The following PAQR5 variants were observed in gnomAD, a reference collection of about 807,000 sequenced individuals.
PAQR5 encodes membrane progestin receptor gamma.
PAQR5 carries 20 observed loss-of-function variants against 34.5 expected under a neutral mutation model. The observed-to-expected ratio is 0.58, with a 90% CI of 0.41 to 0.84. The LOEUF is 0.84. Among genes scored for constraint, PAQR5 ranks in the 40% least tolerant of loss-of-function variants. The pLI, the probability that PAQR5 is intolerant of heterozygous loss-of-function variation, is 0.00. For synonymous variants in PAQR5, 131 were observed against 155.6 expected (o/e 0.84, Z 1.18); for missense variants, 378 against 412.7 (o/e 0.92, Z 0.73).
chr15:69,380,040 C>CG (rs1567030939), intron 4 of PAQR5, 30 bp downstream of exon 4: 4 of 1,611,862 alleles, frequency 2.5e-6, no homozygotes, highest in Non-Finnish European at 3.4e-6. Flanking sequence ...ACCGGCCTGT[C>CG]TCCTTCAGGA....
intron 1 of PAQR5, among the ~76,000 whole-genome samples, chr15:69,316,584 T>G (rs2053956673): frequency 1.3e-5 from 2 of 152,148 alleles, no homozygotes; most frequent in Non-Finnish European, 2.9e-5. Context: ...GAGAAATACA[T>G]TTTCCGTTTT....
intron 6 of PAQR5, 70 bp downstream of exon 6, chr15:69,389,850 G>A: frequency 6.4e-7 from 1 of 1,558,184 alleles, no homozygotes; most frequent in Non-Finnish European, 8.8e-7. Flanking sequence ...CACTCTTTGA[G>A]GGAGCCGGGG....
intron 8 of PAQR5, chr15:69,401,015 A>G (rs1230318520): frequency 6.6e-6 from 1 of 152,230 alleles, no homozygotes; most frequent in Non-Finnish European, 1.5e-5. Context: ...AGCTCACTTA[A>G]GTTTGAAGTG....
At chr15:69,366,811 A>G (rs977913916) in intron 3 of PAQR5, among the ~76,000 whole-genome samples, 5 of 152,112 alleles carry the variant, frequency 3.3e-5, no homozygotes, top group African/African-American at 1.2e-4. Flanking sequence ...AAATTTGTAA[A>G]TTACTTCTTG....
chr15:69,355,409 TTTTTTC>T (rs1240521164), intron 2 of PAQR5, among the ~76,000 whole-genome samples: 1 of 149,144 alleles, frequency 6.7e-6, no homozygotes, highest in East Asian at 2.0e-4. Flanking sequence ...CTTCTTTCTT[TTTTTTC>T]TTTTTCTTTT....
chr15:69,347,627 T>C (rs2054809188), intron 2 of PAQR5, among the ~76,000 whole-genome samples: 1 of 152,180 alleles, frequency 6.6e-6, no homozygotes, highest in African/African-American at 2.4e-5. Flanking sequence ...CTGGGTGTCT[T>C]AGTCTGTTTG....
intron 2 of PAQR5, among the ~76,000 whole-genome samples, chr15:69,352,983 A>G (rs1213873332): frequency 1.3e-5 from 2 of 152,222 alleles, no homozygotes; most frequent in South Asian, 4.1e-4. Flanking sequence ...AAGTGGATAG[A>G]ATGACCTGTT....
intron 1 of PAQR5, among the ~76,000 whole-genome samples, chr15:69,299,567 C>G (rs1218603279): frequency 6.6e-6 from 1 of 152,214 alleles, no homozygotes; most frequent in Non-Finnish European, 1.5e-5. Context: ...GTCGTCCCGG[C>G]CCTGTTGAAG....
intron 1 of PAQR5, among the ~76,000 whole-genome samples, chr15:69,317,555 C>A (rs2053983138): frequency 6.6e-6 from 1 of 152,170 alleles, no homozygotes; most frequent in African/African-American, 2.4e-5. Context: ...GTGAGGTGTG[C>A]TCTTTGGGTA....
chr15:69,300,957 T>C lies in PAQR5; in HGVS notation c.-277+1901T>C, dbSNP rs1181162592. Among the ~76,000 whole-genome samples the C allele has an allele frequency of 5.6e-4, 27 of 48,190 alleles. 1 individual carries two copies. Among genetic ancestry groups the C allele is most frequent in the African/African-American group, 2.0e-3 (24 of 12,096 alleles). 31.6% of individuals were successfully genotyped at this position (48,190 alleles called of 152,430 possible). A position where few individuals can be genotyped will look rare whatever the true frequency, so the allele number is the denominator to read the frequency against. On this transcript the variant is annotated intron_variant, in intron 1 of 8. Coordinates refer to ENST00000395407, the MANE Select transcript of PAQR5 (RefSeq NM_017705.4). Reference sequence around the variant, plus strand: ...TCTCTCTCTTTCTTTCCTTCTTTCTTTCTTTCTTTCTTTCTTTCTTTCTTT... The same window carrying C: ...TCTCTCTCTTTCTTTCCTTCTTTCTCTCTTTCTTTCTTTCTTTCTTTCTTT...
intron 1 of PAQR5, among the ~76,000 whole-genome samples, chr15:69,331,993 T>C (rs1443693618): frequency 1.3e-5 from 2 of 152,140 alleles, no homozygotes; most frequent in African/African-American, 4.8e-5. Context: ...CTCTTTCTTC[T>C]GGAAGCTGCA....
chr15:69,305,752 G>C (rs551424419), intron 1 of PAQR5, among the ~76,000 whole-genome samples: 236 of 152,198 alleles, frequency 1.6e-3, no homozygotes, highest in African/African-American at 5.6e-3. Context: ...TAGACGCAAG[G>C]GCACGCCTGC....
At chr15:69,349,232 C>T (rs1224074253) in intron 2 of PAQR5, among the ~76,000 whole-genome samples, 3 of 152,160 alleles carry the variant, frequency 2.0e-5, no homozygotes, top group Admixed American at 6.5e-5. Flanking sequence ...CCAGAAATGT[C>T]CTCTCCAAGG....
chr15:69,389,866 G>A, intron 6 of PAQR5, 86 bp downstream of exon 6: 1 of 1,502,812 alleles, frequency 6.7e-7, no homozygotes, highest in Non-Finnish European at 9.1e-7. Context: ...CGGGGAAGAG[G>A]TGGGCTCAAT....
chr15:69,299,993 C>T (rs2053494463), intron 1 of PAQR5, among the ~76,000 whole-genome samples: 1 of 152,208 alleles, frequency 6.6e-6, no homozygotes, highest in South Asian at 2.1e-4. Flanking sequence ...CAAGGAGGCC[C>T]AACAAAGCTC....
chr15:69,368,414 C>T (rs779309064), intron 3 of PAQR5, among the ~76,000 whole-genome samples: 4 of 152,228 alleles, frequency 2.6e-5, no homozygotes, highest in Non-Finnish European at 5.9e-5. Flanking sequence ...CCCAACCTAA[C>T]TTTGAGAAAG....
chr15:69,317,604 T>A (rs1217373104), intron 1 of PAQR5, among the ~76,000 whole-genome samples: 1 of 152,114 alleles, frequency 6.6e-6, no homozygotes, highest in African/African-American at 2.4e-5. Context: ...CTTTATAGAT[T>A]TACAATCCCC....
chr15:69,319,585 C>T (rs568220252), intron 1 of PAQR5, among the ~76,000 whole-genome samples: 1 of 152,166 alleles, frequency 6.6e-6, no homozygotes, highest in African/African-American at 2.4e-5. Flanking sequence ...TTCTGACAAG[C>T]CAGGTTTCTT....
intron 7 of PAQR5, among the ~76,000 whole-genome samples, chr15:69,399,071 A>G (rs2056540905): frequency 6.6e-6 from 1 of 152,190 alleles, no homozygotes; most frequent in Non-Finnish European, 1.5e-5. Flanking sequence ...GGTGGCTACT[A>G]TGACTTTATA....
Sources: gnomAD v4.1 joint callset for allele counts (sites outside exome capture counted in the v4.1 genomes callset) on GRCh38, gnomAD v4.1.1 for gene constraint, MANE v1.5 for transcripts, NCBI Gene and HGNC (gene_info 2026-07-23, HGNC 2026-07-21) for gene names.